The following CTSO variants were observed in gnomAD, a reference collection of about 807,000 sequenced individuals.
CTSO encodes cathepsin O.
A neutral mutation model predicts 42.4 loss-of-function variants in CTSO; 40 were observed. That is an observed-to-expected ratio of 0.94 (90% CI 0.73 to 1.23). CTSO has a LOEUF of 1.23. CTSO is among the 50% of genes most tolerant of loss of function. CTSO has a pLI of 0.00. For synonymous variants in CTSO, 156 were observed against 146.2 expected (o/e 1.07, Z -0.48); for missense variants, 441 against 396.0 (o/e 1.11, Z -0.96).
At chr4:155,944,847 A>C (rs1271409199) in intron 1 of CTSO, among the ~76,000 whole-genome samples, 1 of 151,514 alleles carries the variant, frequency 6.6e-6, no homozygotes, top group Non-Finnish European at 1.5e-5. Context: ...ACTCTTCCCC[A>C]GTCTTCCTTC....
chr4:155,929,395 A>T, intron 6 of CTSO, 147 bp downstream of exon 6: 1 of 728,040 alleles, frequency 1.4e-6, no homozygotes, highest in African/African-American at 1.8e-5. Flanking sequence ...CGGCACATTT[A>T]CTCCTATAAG....
chr4:155,933,738 A>G (rs1743279432), intron 5 of CTSO, among the ~76,000 whole-genome samples: 1 of 152,302 alleles, frequency 6.6e-6, no homozygotes, highest in Middle Eastern at 3.4e-3. Context: ...GACTGGCAGC[A>G]TTTTGCCACT....
chr4:155,927,669 G>A (rs1743153659), intron 7 of CTSO, among the ~76,000 whole-genome samples: 1 of 152,104 alleles, frequency 6.6e-6, no homozygotes, highest in African/African-American at 2.4e-5. Flanking sequence ...CAGCTACTCA[G>A]GAGGCTGAGG....
At chr4:155,929,349 G>A (rs562432513) in intron 6 of CTSO, among the ~76,000 whole-genome samples, 193 bp downstream of exon 6, 9 of 152,196 alleles carry the variant, frequency 5.9e-5, no homozygotes, top group East Asian at 5.8e-4. Context: ...TTCCTCTAGC[G>A]CCGCTGGGTT....
intron 1 of CTSO, among the ~76,000 whole-genome samples, chr4:155,946,861 A>ATT (rs1560790706): frequency 7.2e-5 from 11 of 151,794 alleles, no homozygotes; most frequent in Middle Eastern, 3.2e-3. Flanking sequence ...TAATAATAAT[A>ATT]ATTATTATTA....
chr4:155,946,172 T>G (rs78698320), intron 1 of CTSO, among the ~76,000 whole-genome samples: 4,065 of 152,246 alleles, frequency 0.027, 145 homozygotes, highest in African/African-American at 0.081. Flanking sequence ...CTAGATCATT[T>G]GTGACATCTA....
rs1220435346 is a variant in CTSO, at chr4:155,924,326, TA to T, written c.*1709del. 2 of 152,168 alleles carry T rather than the reference TA, an allele frequency of 1.3e-5. No individual in the cohort carries two copies. The highest frequency in any genetic ancestry group is 2.9e-5 in the Non-Finnish European group (2 of 68,018). 9.4% of individuals were successfully genotyped at this position (152,168 alleles called of 1,614,324 possible). A position where few individuals can be genotyped will look rare whatever the true frequency, so the allele number is the denominator to read the frequency against. On this transcript the variant is annotated 3_prime_UTR_variant, in exon 8 of 8. Coordinates refer to ENST00000433477, the MANE Select transcript of CTSO (RefSeq NM_001334.3). ...GTTCTTTTCTGGCATTCCAGGATAA[TA>T]AGAATATTTATCAATTAAAAGGTCA...
chr4:155,928,973 T>A (rs746883657), intron 6 of CTSO, among the ~76,000 whole-genome samples: 6 of 152,148 alleles, frequency 3.9e-5, no homozygotes, highest in African/African-American at 9.7e-5. Flanking sequence ...GTGATGGCCA[T>A]GACGCCCACG....
intron 5 of CTSO, among the ~76,000 whole-genome samples, chr4:155,935,847 GT>G: frequency 6.6e-6 from 1 of 152,154 alleles, no homozygotes; most frequent in African/African-American, 2.4e-5. Flanking sequence ...GCATTGCACT[GT>G]TAGAGTTTAA....
intron 7 of CTSO, 48 bp downstream of exon 7, chr4:155,928,288 T>C (rs373644271): frequency 1.1e-5 from 14 of 1,322,298 alleles, no homozygotes; most frequent in Middle Eastern, 1.8e-4. Context: ...ATTCAAATAA[T>C]CTCCTTAATA....
At chr4:155,930,454 C>T (rs556492117) in intron 5 of CTSO, among the ~76,000 whole-genome samples, 3 of 152,310 alleles carry the variant, frequency 2.0e-5, no homozygotes, top group South Asian at 4.1e-4. Context: ...TGTTTTCACA[C>T]ATGGACATAA....
In CTSO at chr4:155,937,347, C is replaced by A; in HGVS notation, c.674+15G>T. The A allele has an allele frequency of 6.3e-7, 1 of 1,587,348 alleles. No individual in the cohort carries two copies. The highest frequency in any genetic ancestry group is 1.1e-5 in the South Asian group (1 of 88,780). ...AAAATGTATAAAGAAAAACATAATA[C>A]AATAAGATCTTTACCTGAAGTCATA... is the stretch of plus-strand genomic sequence containing the variant. On this transcript the variant is annotated intron_variant, in intron 5 of 7. Transcript: ENST00000433477.
At chr4:155,937,243 A>G (rs1743345321) in intron 5 of CTSO, 119 bp downstream of exon 5, 1 of 653,950 alleles carries the variant, frequency 1.5e-6, no homozygotes, top group African/African-American at 1.9e-5. Context: ...TTTCTAGTAA[A>G]AAGTATGTTT....
chr4:155,936,756 T>C (rs1340779045), intron 5 of CTSO, among the ~76,000 whole-genome samples: 1 of 152,206 alleles, frequency 6.6e-6, no homozygotes, highest in Non-Finnish European at 1.5e-5. Flanking sequence ...TCTTTATCTA[T>C]CCCTACATTC....
chr4:155,925,902 A>T lies in CTSO; in HGVS notation c.*134T>A. 1 of 759,488 alleles carries T rather than the reference A, an allele frequency of 1.3e-6. No individual in the cohort carries two copies. The highest frequency in any genetic ancestry group is 2.2e-6 in the Non-Finnish European group (1 of 464,604). 47.0% of individuals were successfully genotyped at this position (759,488 alleles called of 1,614,324 possible). A position where few individuals can be genotyped will look rare whatever the true frequency, so the allele number is the denominator to read the frequency against. ...AAGGGAACATTCTGAAACTTAGTTT[A>T]AATACTACTAGGCCTTAGAATCTTT... On this transcript the variant is annotated 3_prime_UTR_variant, in exon 8 of 8. Coordinates refer to ENST00000433477, the MANE Select transcript of CTSO (RefSeq NM_001334.3).
chr4:155,951,759 A>C (rs540125349), intron 1 of CTSO, among the ~76,000 whole-genome samples: 1 of 152,286 alleles, frequency 6.6e-6, no homozygotes, highest in Admixed American at 6.5e-5. Flanking sequence ...CACGGTTACC[A>C]AGGAGGCAAG....
intron 5 of CTSO, among the ~76,000 whole-genome samples, chr4:155,931,744 A>G (rs1743237214): frequency 6.6e-6 from 1 of 151,694 alleles, no homozygotes; most frequent in South Asian, 2.1e-4. Context: ...TCACAGATTA[A>G]TAATTTCCAA....
intron 5 of CTSO, 151 bp downstream of exon 5, chr4:155,937,211 C>A (rs1743345012): frequency 1.9e-6 from 1 of 531,180 alleles, no homozygotes; most frequent in Non-Finnish European, 3.2e-6. Context: ...ACATTTACAA[C>A]ATTTCATTGT....
chr4:155,939,010 A>C (rs1285453174), intron 4 of CTSO, among the ~76,000 whole-genome samples: 4 of 152,092 alleles, frequency 2.6e-5, no homozygotes, highest in Non-Finnish European at 5.9e-5. Flanking sequence ...TGTTCCTTTT[A>C]ACCTTAACAT....
Sources: gnomAD v4.1 joint callset for allele counts (sites outside exome capture counted in the v4.1 genomes callset) on GRCh38, gnomAD v4.1.1 for gene constraint, MANE v1.5 for transcripts, NCBI Gene and HGNC (gene_info 2026-07-23, HGNC 2026-07-21) for gene names.